The following FSTL5 variants were observed in gnomAD, a reference collection of about 807,000 sequenced individuals.
FSTL5 encodes follistatin like 5.
In FSTL5, 62 loss-of-function variants were observed where a neutral mutation model predicts 89.1. The observed-to-expected ratio is 0.70, with a 90% confidence interval of 0.57 to 0.86. FSTL5 has a LOEUF of 0.86. FSTL5 is among the 40% of genes least tolerant of loss of function. FSTL5 has a pLI of 0.00. For missense variants in FSTL5, 1,057 were observed against 1,001.6 expected (o/e 1.06, Z -0.75); for synonymous variants, 383 against 346.2 (o/e 1.11, Z -1.18).
intron 2 of FSTL5, among the ~76,000 whole-genome samples, chr4:162,097,730 T>G (rs1465837522): frequency 6.6e-6 from 1 of 151,796 alleles, no homozygotes; most frequent in Non-Finnish European, 1.5e-5. Flanking sequence ...TCAAAGTCAC[T>G]AGTTAACAAG....
chr4:161,723,408 C>T (rs563420116), intron 6 of FSTL5, among the ~76,000 whole-genome samples: 13 of 152,228 alleles, frequency 8.5e-5, no homozygotes, highest in African/African-American at 1.2e-4. Flanking sequence ...GTTTCCTCTC[C>T]GAATTTCTGT....
intron 6 of FSTL5, chr4:161,664,967 T>A (rs1445289363): frequency 6.3e-6 from 1 of 159,724 alleles, no homozygotes; most frequent in Admixed American, 6.5e-5. Context: ...ATCACGAGAA[T>A]AACACGGGAA....
chr4:161,536,464 A>T (rs999676295), intron 10 of FSTL5, among the ~76,000 whole-genome samples: 2 of 152,144 alleles, frequency 1.3e-5, no homozygotes, highest in African/African-American at 4.8e-5. Context: ...CTGGCATTTA[A>T]CTATTAGGAG....
At chr4:161,411,727 T>C (rs1385567047) in intron 15 of FSTL5, among the ~76,000 whole-genome samples, 1 of 152,026 alleles carries the variant, frequency 6.6e-6, no homozygotes, top group African/African-American at 2.4e-5. Context: ...ATAGCCAATA[T>C]CATACTGAAT....
intron 6 of FSTL5, among the ~76,000 whole-genome samples, chr4:161,714,949 T>C (rs1429374516): frequency 1.3e-5 from 2 of 152,186 alleles, no homozygotes; most frequent in East Asian, 3.8e-4. Flanking sequence ...GTTCACTTAA[T>C]AAATAGTAAA....
chr4:161,404,395 T>C (rs77114766), intron 15 of FSTL5, among the ~76,000 whole-genome samples: 9,451 of 152,072 alleles, frequency 0.062, 322 homozygotes, highest in Admixed American at 0.1. Flanking sequence ...GCAGGACACA[T>C]GTTCAATGAG....
At chr4:162,051,048 T>C (rs1001693944) in intron 2 of FSTL5, among the ~76,000 whole-genome samples, 6 of 151,648 alleles carry the variant, frequency 4.0e-5, no homozygotes, top group African/African-American at 1.2e-4. Context: ...TAGTAATGTA[T>C]TGTCTTCAAG....
intron 4 of FSTL5, among the ~76,000 whole-genome samples, chr4:161,805,122 C>T (rs1729922522): frequency 6.6e-6 from 1 of 152,084 alleles, no homozygotes; most frequent in African/African-American, 2.4e-5. Context: ...TTGACTCACA[C>T]TTCAATACCT....
chr4:161,596,050 A>T (rs1238945076), intron 7 of FSTL5, among the ~76,000 whole-genome samples: 1 of 151,994 alleles, frequency 6.6e-6, no homozygotes, highest in East Asian at 1.9e-4. Context: ...TGTATACAAA[A>T]TATATTTTCA....
At chr4:161,918,773 T>C (rs1733908811) in intron 4 of FSTL5, among the ~76,000 whole-genome samples, 1 of 151,842 alleles carries the variant, frequency 6.6e-6, no homozygotes, top group South Asian at 2.1e-4. Context: ...GCCTCCCGAG[T>C]GGCTGGGATA....
chr4:161,875,855 G>A lies in FSTL5; in HGVS notation c.409+44549C>T, dbSNP rs533758163. On this transcript the variant is annotated intron_variant, in intron 4 of 15. Coordinates refer to ENST00000306100, the MANE Select transcript of FSTL5 (RefSeq NM_020116.5). ...GAATTCTCACTATTACTTTGTTTTT[G>A]GTTGATGCTTTTTTTGTACAATCTG... 2.0e-5 allele frequency among the ~76,000 whole-genome samples: 3 copies of A among 152,054 alleles called. No individual in the cohort carries two copies. In the East Asian group the frequency reaches 5.8e-4, roughly 29 times the overall value.
chr4:161,883,851 A>T (rs535681893), intron 4 of FSTL5, among the ~76,000 whole-genome samples: 15 of 152,258 alleles, frequency 9.9e-5, no homozygotes, highest in African/African-American at 3.6e-4. Context: ...ACAGGCAAGG[A>T]TACATTATTC....
chr4:162,023,553 C>A (rs6821913), intron 3 of FSTL5, among the ~76,000 whole-genome samples: 14,881 of 152,082 alleles, frequency 0.098, 849 homozygotes, highest in Non-Finnish European at 0.13. Flanking sequence ...TCTGATCATA[C>A]CTTGGTACTT....
intron 4 of FSTL5, among the ~76,000 whole-genome samples, chr4:161,806,369 A>T (rs1003119491): frequency 3.3e-5 from 5 of 152,124 alleles, no homozygotes; most frequent in Admixed American, 1.3e-4. Context: ...CCAATATACC[A>T]TTGTTGGGCA....
At chr4:161,783,899 G>A (rs935404088) in intron 4 of FSTL5, among the ~76,000 whole-genome samples, 12 of 149,702 alleles carry the variant, frequency 8.0e-5, no homozygotes, top group East Asian at 2.0e-4. Flanking sequence ...CTGAGTAGCC[G>A]GGATTACAGG....
intron 4 of FSTL5, among the ~76,000 whole-genome samples, chr4:161,857,844 C>T (rs1394744257): frequency 2.0e-5 from 3 of 152,070 alleles, no homozygotes; most frequent in African/African-American, 7.2e-5. Flanking sequence ...ATATAATCTT[C>T]TTTCATCACC....
chr4:161,883,751 G>C (rs1383520868), intron 4 of FSTL5, among the ~76,000 whole-genome samples: 2 of 152,162 alleles, frequency 1.3e-5, no homozygotes, highest in Non-Finnish European at 2.9e-5. Flanking sequence ...TGAGATCAGA[G>C]ACCAGAGCTT....
chr4:161,725,985 C>T (rs186202581), intron 6 of FSTL5, among the ~76,000 whole-genome samples: 85 of 152,176 alleles, frequency 5.6e-4, no homozygotes, highest in African/African-American at 1.9e-3. Context: ...ATAAAAATCC[C>T]CATATCACAG....
At chr4:161,830,904 G>C (rs1451078901) in intron 4 of FSTL5, among the ~76,000 whole-genome samples, 1 of 151,928 alleles carries the variant, frequency 6.6e-6, no homozygotes, top group Non-Finnish European at 1.5e-5. Flanking sequence ...AGACCCCATA[G>C]GATTCTGCAT....
Sources: allele counts gnomAD v4.1 joint callset (sites outside exome capture counted in the v4.1 genomes callset), GRCh38; gene constraint gnomAD v4.1.1; transcripts MANE v1.5; gene names NCBI Gene and HGNC (gene_info 2026-07-23, HGNC 2026-07-21).